TRHDE: variants seen among roughly 807,000 people sequenced by gnomAD.
TRHDE encodes the protein thyrotropin releasing hormone degrading enzyme.
A neutral mutation model predicts 125.7 loss-of-function variants in TRHDE; 72 were observed. The observed-to-expected ratio is 0.57, with a 90% CI of 0.47 to 0.70. TRHDE has a LOEUF of 0.70. Ranked by LOEUF, TRHDE falls within the 30% of genes least tolerant of loss-of-function variation. TRHDE has a pLI of 0.00. For synonymous variants in TRHDE, 509 were observed against 509.1 expected (o/e 1.00, Z 0.00); for missense variants, 1,110 against 1,327.1 (o/e 0.84, Z 2.54).
At chr12:72,189,596 T>C (rs1877297727) in intron 2 of TRHDE, among the ~76,000 whole-genome samples, 1 of 152,158 alleles carries the variant, frequency 6.6e-6, no homozygotes. Context: ...AAGAAAAATG[T>C]AGGGGCTAGT....
At chr12:72,400,640 C>T (rs186769831) in intron 3 of TRHDE, among the ~76,000 whole-genome samples, 3 of 152,232 alleles carry the variant, frequency 2.0e-5, no homozygotes, top group South Asian at 2.1e-4. Context: ...GAAACCAGAT[C>T]TGTAGTTTTA....
intron 3 of TRHDE, among the ~76,000 whole-genome samples, chr12:72,459,316 C>A (rs1047089109): frequency 6.6e-6 from 1 of 152,152 alleles, no homozygotes; most frequent in Non-Finnish European, 1.5e-5. Context: ...AACCTTAATT[C>A]CCCTTTGCCA....
chr12:72,115,945 A>G (rs545863276), intron 2 of TRHDE, among the ~76,000 whole-genome samples: 4 of 152,152 alleles, frequency 2.6e-5, no homozygotes, highest in South Asian at 2.1e-4. Context: ...GCACCTATCA[A>G]CCTGTCATCT....
intron 3 of TRHDE, among the ~76,000 whole-genome samples, chr12:72,386,456 T>G (rs1872420186): frequency 6.6e-6 from 1 of 152,212 alleles, no homozygotes. Flanking sequence ...TCCTTTCTCA[T>G]CTGCTCAAGG....
chr12:72,429,344 A>AATAAT (rs1024885562), intron 3 of TRHDE, among the ~76,000 whole-genome samples: 2 of 136,066 alleles, frequency 1.5e-5, no homozygotes, highest in African/African-American at 6.9e-5. Context: ...AAAGCATAAT[A>AATAAT]ATAATAATAA....
In TRHDE at chr12:72,369,866, C is replaced by T. The variant is rs185103721; in HGVS notation, c.1189-8129C>T. On this transcript the variant is annotated intron_variant, in intron 2 of 18. Coordinates refer to ENST00000261180, the MANE Select transcript of TRHDE (RefSeq NM_013381.3). The stretch of plus-strand genomic sequence containing the variant: ...GCTCTTATCATGGAATGTCAGAAAA[C>T]GCTGCAAATAAGCAGGTGTAATAAA... Among the ~76,000 whole-genome samples, 489 of 152,142 alleles carry T rather than the reference C, an allele frequency of 3.2e-3. 3 individuals carry two copies. The highest frequency in any genetic ancestry group is 0.011 in the African/African-American group (445 of 41,480).
intron 6 of TRHDE, among the ~76,000 whole-genome samples, chr12:72,533,422 C>T (rs111907924): frequency 1.5e-4 from 23 of 152,176 alleles, no homozygotes; most frequent in African/African-American, 5.3e-4. Context: ...ATCTGCCCAC[C>T]CTGGACTCCC....
intron 2 of TRHDE, among the ~76,000 whole-genome samples, chr12:72,377,304 CT>C (rs200021223): frequency 0.012 from 1,559 of 130,052 alleles, 11 homozygotes; most frequent in African/African-American, 0.025. Context: ...TTGCTTTAGG[CT>C]TTTTTTTTTT....
At chr12:72,186,447 A>C (rs1204904330) in intron 2 of TRHDE, 2 of 161,202 alleles carry the variant, frequency 1.2e-5, no homozygotes, top group African/African-American at 4.8e-5. Context: ...CAGCGAGACC[A>C]CGAACCCACC....
At chr12:72,510,076 C>T (rs192455801) in intron 6 of TRHDE, among the ~76,000 whole-genome samples, 11 of 152,202 alleles carry the variant, frequency 7.2e-5, no homozygotes, top group Non-Finnish European at 1.6e-4. Context: ...CTCATGGGAC[C>T]CCCTTCTGTG....
At chr12:72,602,794 G>C (rs146161898) in intron 12 of TRHDE, among the ~76,000 whole-genome samples, 2 of 152,240 alleles carry the variant, frequency 1.3e-5, no homozygotes, top group African/African-American at 4.8e-5. Flanking sequence ...AATTTGATTA[G>C]AACCATGTCT....
chr12:72,133,791 A>G, intron 2 of TRHDE, among the ~76,000 whole-genome samples: 1 of 152,164 alleles, frequency 6.6e-6, no homozygotes, highest in East Asian at 1.9e-4. Context: ...GGCTAGGTAC[A>G]CTGCTGGGAC....
chr12:72,145,038 G>A (rs1876198054), intron 2 of TRHDE, among the ~76,000 whole-genome samples: 1 of 152,028 alleles, frequency 6.6e-6, no homozygotes, highest in Non-Finnish European at 1.5e-5. Context: ...GATGAAGGTG[G>A]GCTTGATAAA....
intron 2 of TRHDE, among the ~76,000 whole-genome samples, chr12:72,176,501 T>C (rs1289063592): frequency 2.6e-5 from 4 of 152,128 alleles, no homozygotes; most frequent in African/African-American, 9.7e-5. Flanking sequence ...CTTTCCACAC[T>C]AAAATACTCA....
chr12:72,464,298 C>T (rs1876265869), intron 3 of TRHDE, among the ~76,000 whole-genome samples: 2 of 152,242 alleles, frequency 1.3e-5, no homozygotes, highest in South Asian at 2.1e-4. Flanking sequence ...AACCAAATAC[C>T]TGAGACTGGG....
intron 9 of TRHDE, among the ~76,000 whole-genome samples, chr12:72,567,513 C>G (rs1277372553): frequency 1.3e-5 from 2 of 151,876 alleles, no homozygotes; most frequent in South Asian, 4.1e-4. Flanking sequence ...TTTCACACGA[C>G]AGAGTCATAG....
intron 2 of TRHDE, among the ~76,000 whole-genome samples, chr12:72,117,911 A>G (rs548093327): frequency 4.0e-5 from 6 of 151,642 alleles, no homozygotes; most frequent in Admixed American, 2.0e-4. Context: ...TGACTTTAGT[A>G]CGTTGATTTT....
At chr12:72,580,412 C>T (rs1377631210) in intron 12 of TRHDE, among the ~76,000 whole-genome samples, 1 of 152,010 alleles carries the variant, frequency 6.6e-6, no homozygotes, top group African/African-American at 2.4e-5. Context: ...AACTAAAATG[C>T]CTAGATATTT....
intron 18 of TRHDE, among the ~76,000 whole-genome samples, chr12:72,659,162 T>G (rs542746599): frequency 6.6e-6 from 1 of 152,310 alleles, no homozygotes; most frequent in East Asian, 1.9e-4. Flanking sequence ...CAGCTTTAGG[T>G]GGATTCAGTA....
Sources: allele counts gnomAD v4.1 joint callset (sites outside exome capture counted in the v4.1 genomes callset), GRCh38; gene constraint gnomAD v4.1.1; transcripts MANE v1.5; gene names NCBI Gene and HGNC (gene_info 2026-07-23, HGNC 2026-07-21).